The following ATG13 variants were observed in gnomAD, a reference collection of about 807,000 sequenced individuals.
ATG13 encodes autophagy related 13.
ATG13 carries 23 observed loss-of-function variants against 65.5 expected under a neutral mutation model. The observed-to-expected ratio is 0.35, with a 90% CI of 0.25 to 0.50. The LOEUF (loss-of-function observed/expected upper bound fraction) is 0.50. Among genes scored for constraint, ATG13 ranks in the 20% least tolerant of loss-of-function variants. ATG13 has a pLI of 0.98. For synonymous variants in ATG13, 252 were observed against 245.2 expected (o/e 1.03, Z -0.26); for missense variants, 566 against 677.0 (o/e 0.84, Z 1.82).
intron 11 of ATG13, 105 bp from the exon 12 acceptor site, chr11:46,663,892 C>G: frequency 1.2e-6 from 1 of 808,700 alleles, no homozygotes. Context: ...GTTCTGGCCT[C>G]TCTTGCTACT....
chr11:46,638,083 A>G (rs538122211), intron 2 of ATG13, among the ~76,000 whole-genome samples: 10 of 152,186 alleles, frequency 6.6e-5, no homozygotes, highest in Non-Finnish European at 1.3e-4. Context: ...CCTATTCAGG[A>G]TAATTAGCAT....
chr11:46,619,794 C>T (rs2098193053), intron 1 of ATG13, among the ~76,000 whole-genome samples: 1 of 151,722 alleles, frequency 6.6e-6, no homozygotes, highest in Admixed American at 6.6e-5. Context: ...CTTTGGGGGG[C>T]CGAGGCAGGC....
chr11:46,656,351 TATA>T, intron 8 of ATG13, 78 bp downstream of exon 8: 1 of 1,393,484 alleles, frequency 7.2e-7, no homozygotes, highest in Admixed American at 1.9e-5. Flanking sequence ...TTCTACTTGT[TATA>T]ATATGTAGAT....
intron 2 of ATG13, among the ~76,000 whole-genome samples, chr11:46,639,899 G>A (rs1415865338): frequency 2.9e-5 from 4 of 139,566 alleles, no homozygotes; most frequent in Non-Finnish European, 6.1e-5. Flanking sequence ...TGTCCCCCAT[G>A]TTGGAGTGTA....
chr11:46,623,736 GT>G (rs543682552), intron 1 of ATG13, among the ~76,000 whole-genome samples: 65 of 152,088 alleles, frequency 4.3e-4, no homozygotes, highest in Middle Eastern at 6.8e-3. Context: ...CTGGCAACTA[GT>G]TTTTTTATTT....
chr11:46,655,573 CAAACA>C (rs922849402), intron 7 of ATG13, among the ~76,000 whole-genome samples: 32 of 152,274 alleles, frequency 2.1e-4, no homozygotes, highest in African/African-American at 6.0e-4. Context: ...GACTCCGTCT[CAAACA>C]AAACAAAACA....
intron 7 of ATG13, among the ~76,000 whole-genome samples, chr11:46,653,875 C>T (rs961809042): frequency 6.6e-6 from 1 of 151,878 alleles, no homozygotes; most frequent in African/African-American, 2.4e-5. Context: ...GGCGAAGCTT[C>T]TTCATACATT....
intron 3 of ATG13, among the ~76,000 whole-genome samples, chr11:46,644,982 A>C (rs922200487): frequency 6.6e-6 from 1 of 152,196 alleles, no homozygotes; most frequent in African/African-American, 2.4e-5. Context: ...TGGTGTTATA[A>C]GTTTGTGGCA....
intron 11 of ATG13, among the ~76,000 whole-genome samples, chr11:46,661,244 G>A (rs1286753313): frequency 6.6e-6 from 1 of 152,062 alleles, no homozygotes; most frequent in Non-Finnish European, 1.5e-5. Flanking sequence ...TCTGCCGGGC[G>A]CAGTGGCTCA....
At chr11:46,652,452 C>T (rs1003431354) in intron 7 of ATG13, among the ~76,000 whole-genome samples, 13 of 152,132 alleles carry the variant, frequency 8.5e-5, no homozygotes, top group Non-Finnish European at 1.6e-4. Flanking sequence ...TAGTGACTCA[C>T]GCCTATAATC....
intron 7 of ATG13, among the ~76,000 whole-genome samples, chr11:46,653,950 A>G (rs1261451543): frequency 6.6e-6 from 1 of 152,200 alleles, no homozygotes; most frequent in Admixed American, 6.6e-5. Flanking sequence ...ATTACTTGAA[A>G]AATATGAAAA....
In ATG13 at chr11:46,657,075, T is replaced by C. The variant is rs2060196020; in HGVS notation, c.500-20T>C. 1 of 1,588,970 alleles carries C rather than the reference T, an allele frequency of 6.3e-7. No individual in the cohort carries two copies. Among genetic ancestry groups the C allele is most frequent in the East Asian group, 2.2e-5 (1 of 44,748 alleles). ...CAGTATTCTCTGCAAAAGAAGCTAA[T>C]AATGTATCTCTTCTCCTAGGCTTCC... is the stretch of plus-strand genomic sequence containing the variant. On this transcript the variant is annotated intron_variant, in intron 8 of 18. Transcript: ENST00000683050.
Position 46,650,192 on chromosome 11 carries a change from C to G in ATG13, c.333C>G (p.Ile111Met). ...LEMNEKCDKE[I>M]KVSYTVYNRL... ...TGCCTGGCAGGTGTGATAAAGAAAT[C>G]AAAGTTTCCTACACGGTGTACAACA... The change falls in exon 7 of 19, where the codon ATC becomes ATG. Residue 111 changes from isoleucine (I) to methionine (M), a missense_variant. By Grantham distance (10) the Ile-to-Met change is conservative. Coordinates refer to ENST00000683050, the MANE Select transcript of ATG13 (RefSeq NM_001346311.2). 1 of 1,613,756 alleles carries G rather than the reference C, an allele frequency of 6.2e-7. No homozygotes were observed. The highest frequency in any genetic ancestry group is 8.5e-7 in the Non-Finnish European group (1 of 1,179,746).
At chr11:46,662,617 C>T (rs969004387) in intron 11 of ATG13, among the ~76,000 whole-genome samples, 2 of 152,192 alleles carry the variant, frequency 1.3e-5, no homozygotes, top group African/African-American at 4.8e-5. Context: ...CCCTGGGGAC[C>T]TCTGATCAAG....
At chr11:46,650,713 C>T (rs1318192520) in intron 7 of ATG13, among the ~76,000 whole-genome samples, 3 of 152,202 alleles carry the variant, frequency 2.0e-5, no homozygotes, top group Non-Finnish European at 4.4e-5. Flanking sequence ...TCAAGTGATT[C>T]TCCTGCCTTA....
chr11:46,640,915 CTGTT>C (rs548877879), intron 2 of ATG13, among the ~76,000 whole-genome samples: 19 of 152,318 alleles, frequency 1.2e-4, no homozygotes, highest in African/African-American at 4.3e-4. Context: ...CTGGCAGTGT[CTGTT>C]TAAGCTAAAC....
intron 1 of ATG13, among the ~76,000 whole-genome samples, chr11:46,621,868 G>C (rs1591380570): frequency 6.6e-6 from 1 of 151,638 alleles, no homozygotes; most frequent in East Asian, 1.9e-4. Flanking sequence ...CGGTTCCCTG[G>C]CATCAGATTT....
chr11:46,659,350 GCCA>G, intron 10 of ATG13, 39 bp from the exon 11 acceptor site: 1 of 1,496,374 alleles, frequency 6.7e-7, no homozygotes, highest in Non-Finnish European at 9.3e-7. Context: ...GAAATTGACT[GCCA>G]CCACCATAAA....
At chr11:46,634,725 G>GGA (rs2053325671) in intron 2 of ATG13, among the ~76,000 whole-genome samples, 1 of 150,310 alleles carries the variant, frequency 6.7e-6, no homozygotes, top group Non-Finnish European at 1.5e-5. Flanking sequence ...TTTTTGAGAC[G>GGA]GAGTCTTGCT....
Sources: gnomAD v4.1 joint callset for allele counts (sites outside exome capture counted in the v4.1 genomes callset) on GRCh38, gnomAD v4.1.1 for gene constraint, MANE v1.5 for transcripts, NCBI Gene and HGNC (gene_info 2026-07-23, HGNC 2026-07-21) for gene names.